Variants in UBE2V2 observed in about 807,000 individuals in gnomAD.
The protein encoded by UBE2V2 is ubiquitin-conjugating enzyme E2 variant 2.
In UBE2V2, 9 loss-of-function variants were observed where a neutral mutation model predicts 17.2. That is an observed-to-expected ratio of 0.52 (90% CI 0.32 to 0.91). The LOEUF (loss-of-function observed/expected upper bound fraction) is 0.91. UBE2V2 is among the 40% of genes least tolerant of loss of function. The pLI, the probability that UBE2V2 is intolerant of heterozygous loss-of-function variation, is 0.04. For synonymous variants in UBE2V2, 61 were observed against 57.5 expected (o/e 1.06, Z -0.28); for missense variants, 133 against 182.6 (o/e 0.73, Z 1.56).
At chr8:48,056,912 A>G (rs909593570) in intron 3 of UBE2V2, among the ~76,000 whole-genome samples, 5 of 151,048 alleles carry the variant, frequency 3.3e-5, no homozygotes, top group Non-Finnish European at 7.4e-5. Context: ...TTTAGTAGAG[A>G]TGGGGTTTTA....
chr8:48,025,372 T>C (rs1393358417), intron 1 of UBE2V2, among the ~76,000 whole-genome samples: 3 of 151,242 alleles, frequency 2.0e-5, no homozygotes, highest in African/African-American at 7.3e-5. Context: ...CAAGCAATTC[T>C]CCTGCCTCAG....
intron 3 of UBE2V2, among the ~76,000 whole-genome samples, chr8:48,055,232 T>C (rs1016585129): frequency 2.0e-5 from 3 of 149,984 alleles, no homozygotes; most frequent in Non-Finnish European, 3.0e-5. Flanking sequence ...GGAGTTTCGC[T>C]CTTATTGCCC....
intron 3 of UBE2V2, among the ~76,000 whole-genome samples, chr8:48,054,351 T>C (rs2154508079): frequency 6.6e-6 from 1 of 152,302 alleles, no homozygotes; most frequent in Admixed American, 6.5e-5. Flanking sequence ...GCTGGGTCAA[T>C]GTCAGCCCCA....
In UBE2V2 at chr8:48,010,893, A is replaced by AT. The variant is rs765787547; in HGVS notation, c.16+2440dup. Among the ~76,000 whole-genome samples, 934 of 106,272 alleles carry AT rather than the reference A, an allele frequency of 8.8e-3. 10 individuals carry two copies. Among genetic ancestry groups the AT allele is most frequent in the East Asian group, 0.036 (134 of 3,678 alleles). 69.7% of individuals were successfully genotyped at this position (106,272 alleles called of 152,430 possible). A position where few individuals can be genotyped will look rare whatever the true frequency, so the allele number is the denominator to read the frequency against. ...TTTTGTATATATATATTTTTTTTGTATTTTTTTTTTTTTTTTTAGTAGGGA... is the reference window on the plus strand; with the variant it reads ...TTTTGTATATATATATTTTTTTTGTATTTTTTTTTTTTTTTTTTAGTAGGGA... On this transcript the variant is annotated intron_variant, in intron 1 of 3. Transcript: ENST00000523111.
intron 1 of UBE2V2, among the ~76,000 whole-genome samples, chr8:48,017,026 G>A (rs1298698588): frequency 6.6e-6 from 1 of 151,920 alleles, no homozygotes; most frequent in Non-Finnish European, 1.5e-5. Flanking sequence ...CCCGACCTCA[G>A]GTGATCCACC....
chr8:48,012,549 T>C (rs1377974755), intron 1 of UBE2V2, among the ~76,000 whole-genome samples: 1 of 151,860 alleles, frequency 6.6e-6, no homozygotes, highest in Non-Finnish European at 1.5e-5. Context: ...AGAAACCATG[T>C]CTCTACTAAA....
intron 1 of UBE2V2, among the ~76,000 whole-genome samples, chr8:48,029,432 T>C (rs1341305369): frequency 1.3e-5 from 2 of 152,162 alleles, no homozygotes; most frequent in Non-Finnish European, 1.5e-5. Flanking sequence ...CTGTGAATTC[T>C]AGTTGATGCT....
At chr8:48,010,225 A>G (rs1440807781) in intron 1 of UBE2V2, among the ~76,000 whole-genome samples, 1 of 151,478 alleles carries the variant, frequency 6.6e-6, no homozygotes, top group East Asian at 1.9e-4. Context: ...CATATTGTAC[A>G]TAGGGAGTCT....
chr8:48,017,006 G>T (rs1372828738), intron 1 of UBE2V2, among the ~76,000 whole-genome samples: 4 of 145,342 alleles, frequency 2.8e-5, no homozygotes, highest in African/African-American at 1.0e-4. Flanking sequence ...GGCTAGGCTG[G>T]TCTCAAACGC....
chr8:48,059,416 T>G (rs1490664831), intron 3 of UBE2V2, among the ~76,000 whole-genome samples: 1 of 148,188 alleles, frequency 6.7e-6, no homozygotes, highest in East Asian at 2.0e-4. Flanking sequence ...CCTTCCTGCT[T>G]TTTTTTTTTG....
intron 1 of UBE2V2, among the ~76,000 whole-genome samples, chr8:48,026,356 A>C (rs1413886179): frequency 6.6e-6 from 1 of 152,184 alleles, no homozygotes; most frequent in Non-Finnish European, 1.5e-5. Flanking sequence ...AAGAAAGCTG[A>C]ACTTCTGGTG....
rs1589859661 is a variant in UBE2V2, at chr8:48,037,953, T to C, written c.17-5080T>C. On this transcript the variant is annotated intron_variant, in intron 1 of 3. Coordinates refer to ENST00000523111, the MANE Select transcript of UBE2V2 (RefSeq NM_003350.3). ...CTCCCTGAATCCTCATTGCTGCAGA[T>C]AAAGGCTGAATTGCTAAGGGTGCCC... Among the ~76,000 whole-genome samples, 5 of 152,312 alleles carry C rather than the reference T, an allele frequency of 3.3e-5. No homozygotes were observed. In the East Asian group the frequency reaches 9.6e-4, roughly 29 times the overall value.
intron 1 of UBE2V2, among the ~76,000 whole-genome samples, chr8:48,037,122 T>C (rs1231043427): frequency 6.6e-6 from 1 of 152,214 alleles, no homozygotes; most frequent in African/African-American, 2.4e-5. Context: ...AAGGTTGCAG[T>C]GAGCCGAGAT....
intron 1 of UBE2V2, among the ~76,000 whole-genome samples, chr8:48,034,047 G>C (rs2091403169): frequency 6.6e-6 from 1 of 151,806 alleles, no homozygotes; most frequent in South Asian, 2.1e-4. Flanking sequence ...TTGGTCTATA[G>C]CTCCCTATTT....
In UBE2V2 at chr8:48,043,200, AT is replaced by A. The variant is rs1187670201; in HGVS notation, c.165+25del. On this transcript the variant is annotated intron_variant, in intron 2 of 3. Coordinates refer to ENST00000523111, the MANE Select transcript of UBE2V2 (RefSeq NM_003350.3). ...ACCAAGGGTCAGTGTTATAAATTAT[AT>A]TTTTTCTATTAATACTTATTGTTAA... The A allele has an allele frequency of 7.0e-7, 1 of 1,433,630 alleles. No homozygotes were observed. Among genetic ancestry groups the A allele is most frequent in the South Asian group, 1.8e-5 (1 of 56,742 alleles). 88.8% of individuals were successfully genotyped at this position (1,433,630 alleles called of 1,614,324 possible).
intron 1 of UBE2V2, among the ~76,000 whole-genome samples, chr8:48,027,246 C>T (rs527985914): frequency 6.6e-6 from 1 of 152,200 alleles, no homozygotes; most frequent in African/African-American, 2.4e-5. Context: ...AGTGATCTCC[C>T]TGCCTTGAAC....
rs149081075 is a variant in UBE2V2, at chr8:48,019,076, C to A, written c.16+10606C>A. ...CGAAATCCCATCTCTATTAAAAATA[C>A]AAAAATTGGACCAGGAGCGGTGGCT... On this transcript the variant is annotated intron_variant, in intron 1 of 3. Coordinates refer to ENST00000523111, the MANE Select transcript of UBE2V2 (RefSeq NM_003350.3). Among the ~76,000 whole-genome samples the A allele has an allele frequency of 1.3e-3, 198 of 151,894 alleles. 3 individuals carry two copies. The East Asian group carries it at 0.035, about 27-fold the overall frequency.
At chr8:48,027,466 TTGAG>T (rs1480050626) in intron 1 of UBE2V2, among the ~76,000 whole-genome samples, 1 of 152,206 alleles carries the variant, frequency 6.6e-6, no homozygotes, top group African/African-American at 2.4e-5. Context: ...ACTAGTGTTA[TTGAG>T]TATCTTTTCA....
intron 2 of UBE2V2, 28 bp downstream of exon 2, chr8:48,043,209 A>G: frequency 1.4e-6 from 2 of 1,390,300 alleles, no homozygotes; most frequent in East Asian, 2.5e-5. Context: ...TATTTTTTCT[A>G]TTAATACTTA....
Sources: allele counts gnomAD v4.1 joint callset (sites outside exome capture counted in the v4.1 genomes callset), GRCh38; gene constraint gnomAD v4.1.1; transcripts MANE v1.5; gene names NCBI Gene and HGNC (gene_info 2026-07-23, HGNC 2026-07-21).